ANKRD30BL: variants seen among roughly 807,000 people sequenced by gnomAD.
ANKRD30BL encodes putative ankyrin repeat domain-containing protein 30B-like.
A neutral mutation model predicts 18.4 loss-of-function variants in ANKRD30BL; 20 were observed. The observed-to-expected ratio is 1.09, with a 90% CI of 0.77 to 1.58. ANKRD30BL has a LOEUF of 1.58. Among genes scored for constraint, ANKRD30BL ranks in the 40% most tolerant of loss-of-function variants. ANKRD30BL has a pLI of 0.00. For synonymous variants in ANKRD30BL, 72 were observed against 100.9 expected (o/e 0.71, Z 1.72); for missense variants, 224 against 268.6 (o/e 0.83, Z 1.16).
intron 1 of ANKRD30BL, among the ~76,000 whole-genome samples, chr2:132,249,301 T>C (rs1461736628): frequency 6.6e-6 from 1 of 152,116 alleles, no homozygotes; most frequent in Non-Finnish European, 1.5e-5. Flanking sequence ...TGTGAAGATA[T>C]TTCCTTTTTC....
chr2:132,205,483 C>T (rs575480826), intron 1 of ANKRD30BL, among the ~76,000 whole-genome samples: 2 of 151,736 alleles, frequency 1.3e-5, no homozygotes, highest in South Asian at 2.1e-4. Context: ...TGCTTGTAAT[C>T]GCAGCTACTC....
At position 132,154,661 on chromosome 2, in the gene ANKRD30BL, C is replaced by T. The variant is rs767793804; in HGVS notation, c.614+1G>A. On this transcript the variant is annotated splice_donor_variant, in intron 4 of 5. Coordinates refer to ENST00000409867, the MANE Select transcript of ANKRD30BL (RefSeq NM_001358416.1). LOFTEE classifies it high-confidence loss of function. Reference sequence around the variant, plus strand: ...TTTTTTAATAAAAAAAACTACTATACCATTTAAACTTATCAACTGCATTTG... The same window carrying T: ...TTTTTTAATAAAAAAAACTACTATATCATTTAAACTTATCAACTGCATTTG... 11 of 704,570 alleles carry T rather than the reference C, an allele frequency of 1.6e-5. No homozygotes were observed. The highest frequency in any genetic ancestry group is 2.6e-5 in the Non-Finnish European group (10 of 379,942). 43.6% of individuals were successfully genotyped at this position (704,570 alleles called of 1,614,324 possible). A position where few individuals can be genotyped will look rare whatever the true frequency, so the allele number is the denominator to read the frequency against.
At chr2:132,214,202 G>T (rs546990528) in intron 1 of ANKRD30BL, among the ~76,000 whole-genome samples, 1 of 151,756 alleles carries the variant, frequency 6.6e-6, no homozygotes, top group South Asian at 2.1e-4. Flanking sequence ...ATTTCTTTGC[G>T]ATTGGTGTAT....
intron 1 of ANKRD30BL, among the ~76,000 whole-genome samples, chr2:132,230,252 T>C (rs1417983574): frequency 1.3e-5 from 2 of 152,130 alleles, no homozygotes; most frequent in Non-Finnish European, 2.9e-5. Flanking sequence ...TAGTAGAATC[T>C]GCAAGTGAAT....
At chr2:132,252,698 G>A (rs1680688799) in intron 1 of ANKRD30BL, among the ~76,000 whole-genome samples, 1 of 152,068 alleles carries the variant, frequency 6.6e-6, no homozygotes, top group Non-Finnish European at 1.5e-5. Context: ...CTCCCCGGTG[G>A]ACCCTTCCTA....
chr2:132,253,799 G>A (rs925551582), intron 1 of ANKRD30BL, among the ~76,000 whole-genome samples: 5 of 152,116 alleles, frequency 3.3e-5, no homozygotes, highest in East Asian at 2.0e-4. Flanking sequence ...TGGCGGGGGC[G>A]GATGAGGGGG....
chr2:132,199,009 T>G (rs1389394065), intron 1 of ANKRD30BL, among the ~76,000 whole-genome samples: 2 of 152,162 alleles, frequency 1.3e-5, no homozygotes, highest in Non-Finnish European at 2.9e-5. Context: ...GTTATAAAAT[T>G]ACTTCTGGAT....
chr2:132,170,938 C>T (rs1245335713), intron 1 of ANKRD30BL, among the ~76,000 whole-genome samples: 1 of 152,126 alleles, frequency 6.6e-6, no homozygotes, highest in Non-Finnish European at 1.5e-5. Flanking sequence ...GGGCGGATCA[C>T]GTGGTGAGGA....
At chr2:132,211,542 G>A (rs1342900432) in intron 1 of ANKRD30BL, among the ~76,000 whole-genome samples, 1 of 151,802 alleles carries the variant, frequency 6.6e-6, no homozygotes, top group African/African-American at 2.4e-5. Flanking sequence ...GTGCTCTGAG[G>A]CCAGTGGTGG....
At chr2:132,184,051 A>C (rs1688521074) in intron 1 of ANKRD30BL, among the ~76,000 whole-genome samples, 1 of 152,104 alleles carries the variant, frequency 6.6e-6, no homozygotes, top group Admixed American at 6.5e-5. Context: ...TCTGAATGCT[A>C]TGAAGCACAG....
At chr2:132,210,636 T>C (rs1192242086) in intron 1 of ANKRD30BL, among the ~76,000 whole-genome samples, 1 of 151,580 alleles carries the variant, frequency 6.6e-6, no homozygotes, top group Admixed American at 6.6e-5. Flanking sequence ...TGAGCAGATT[T>C]GAAGCACACT....
chr2:132,148,883 G>C (rs1687685407), intron 5 of ANKRD30BL, among the ~76,000 whole-genome samples: 1 of 152,108 alleles, frequency 6.6e-6, no homozygotes, highest in Non-Finnish European at 1.5e-5. Context: ...AATAAAAAAT[G>C]ACAATGATAA....
In ANKRD30BL at chr2:132,157,360, TC is replaced by T; in HGVS notation, c.281del (p.Arg94LysfsTer16). ...HAEVVTLLVD[R>X]KCQLDVLDGE... ...CATCAAGGACGTCAAGCTGACACTT[TC>T]TATCTACCAGAAGTGTTACTACTTC... is the stretch of plus-strand genomic sequence containing the variant. On this transcript the variant is annotated frameshift_variant, in exon 2 of 6. Coordinates refer to ENST00000409867, the MANE Select transcript of ANKRD30BL (RefSeq NM_001358416.1). LOFTEE classifies it high-confidence loss of function. The T allele has an allele frequency of 1.3e-6, 1 of 750,082 alleles. No individual in the cohort carries two copies. Among genetic ancestry groups the T allele is most frequent in the East Asian group, 2.5e-5 (1 of 39,480 alleles). The allele number at this position is 750,082 out of a possible 1,614,324, so 46.5% of individuals were successfully genotyped here. A position where few individuals can be genotyped will look rare whatever the true frequency, so the allele number is the denominator to read the frequency against.
chr2:132,158,735 T>C (rs1687977269), intron 1 of ANKRD30BL, among the ~76,000 whole-genome samples: 1 of 150,450 alleles, frequency 6.6e-6, no homozygotes. Context: ...TTCTATTTTA[T>C]TTTCTTAATA....
chr2:132,158,812 ATG>A (rs1306483058), intron 1 of ANKRD30BL, among the ~76,000 whole-genome samples: 1 of 150,964 alleles, frequency 6.6e-6, no homozygotes, highest in African/African-American at 2.4e-5. Flanking sequence ...TAATAAAAAT[ATG>A]TGTCTAATAA....
At chr2:132,198,448 T>C (rs1325078714) in intron 1 of ANKRD30BL, among the ~76,000 whole-genome samples, 3 of 150,786 alleles carry the variant, frequency 2.0e-5, no homozygotes, top group African/African-American at 4.9e-5. Flanking sequence ...CTCAGCTTCC[T>C]GAGTAGCTGG....
chr2:132,244,925 A>G (rs2104800489), intron 1 of ANKRD30BL, among the ~76,000 whole-genome samples: 1 of 148,072 alleles, frequency 6.8e-6, no homozygotes, highest in East Asian at 2.0e-4. Flanking sequence ...GAAAAAGGAA[A>G]TATCTTCCCA....
intron 1 of ANKRD30BL, among the ~76,000 whole-genome samples, chr2:132,232,469 C>T (rs1475827172): frequency 6.6e-6 from 1 of 151,956 alleles, no homozygotes; most frequent in African/African-American, 2.4e-5. Flanking sequence ...ACTAGAATAA[C>T]CAATAGAGAG....
intron 1 of ANKRD30BL, among the ~76,000 whole-genome samples, chr2:132,194,859 AT>A (rs1678932361): frequency 6.6e-6 from 1 of 152,236 alleles, no homozygotes. Context: ...AGAGAAATTA[AT>A]TTGGAAAAAA....
Sources: allele counts gnomAD v4.1 joint callset (sites outside exome capture counted in the v4.1 genomes callset), GRCh38; gene constraint gnomAD v4.1.1; transcripts MANE v1.5; gene names NCBI Gene and HGNC (gene_info 2026-07-23, HGNC 2026-07-21).